PARD3B: variants seen among roughly 807,000 people sequenced by gnomAD.
The protein encoded by PARD3B is par-3 family cell polarity regulator beta.
A neutral mutation model predicts 130.2 loss-of-function variants in PARD3B; 103 were observed. The observed-to-expected ratio is 0.79, with a 90% CI of 0.67 to 0.93. The LOEUF (loss-of-function observed/expected upper bound fraction) is 0.93. Ranked by LOEUF, PARD3B falls within the 40% of genes least tolerant of loss-of-function variation. PARD3B has a pLI of 0.00. For missense variants in PARD3B, 1,609 were observed against 1,499.2 expected, an observed-to-expected ratio of 1.07 and a Z score of -1.21; for synonymous variants, 583 against 553.2, an observed-to-expected ratio of 1.05 and a Z score of -0.76.
intron 15 of PARD3B, among the ~76,000 whole-genome samples, chr2:205,215,203 G>A (rs960459839): frequency 6.6e-6 from 1 of 151,770 alleles, no homozygotes; most frequent in African/African-American, 2.4e-5. Flanking sequence ...GTTTAAGTTG[G>A]AGAAGATATT....
intron 5 of PARD3B, among the ~76,000 whole-genome samples, chr2:205,112,567 T>C (rs1182845150): frequency 2.0e-5 from 3 of 152,152 alleles, no homozygotes; most frequent in African/African-American, 7.2e-5. Flanking sequence ...CGGCTTACAA[T>C]TTCCATAACG....
rs1317022462 is a variant in PARD3B at position 204,545,836 on chromosome 2, G to A, written c.-164G>A. 5.5e-6 allele frequency: 4 copies of A among 721,302 alleles called. No individual in the cohort carries two copies. The highest frequency in any genetic ancestry group is 8.1e-6 in the Non-Finnish European group (4 of 491,704). 44.7% of individuals were successfully genotyped at this position (721,302 alleles called of 1,614,324 possible). On this transcript the variant is annotated 5_prime_UTR_variant, in exon 1 of 23. In the 5' UTR this introduces an upstream ATG that the reference lacks. Transcript: ENST00000406610. ...TTCCCGCCACCTGCCGCCTGGCCAG[G>A]TGGAAGGGGCGCTGCCGCGAGCCTC...
intron 20 of PARD3B, among the ~76,000 whole-genome samples, chr2:205,468,894 TGAG>T (rs2048726837): frequency 6.6e-6 from 1 of 152,174 alleles, no homozygotes; most frequent in African/African-American, 2.4e-5. Flanking sequence ...CCCAATTTTC[TGAG>T]GAGACCAACC....
intron 21 of PARD3B, among the ~76,000 whole-genome samples, chr2:205,541,545 T>G (rs1481126423): frequency 1.3e-5 from 2 of 152,032 alleles, no homozygotes; most frequent in Admixed American, 1.3e-4. Flanking sequence ...GACGGGGTTT[T>G]GCCATGTTGG....
chr2:204,550,405 G>A (rs75038441), intron 1 of PARD3B, among the ~76,000 whole-genome samples: 2,377 of 123,878 alleles, frequency 0.019, 66 homozygotes, highest in African/African-American at 0.063. Flanking sequence ...TGGATGCGGA[G>A]GGCTGACTGT....
chr2:204,831,779 A>T (rs1369254995), intron 2 of PARD3B, among the ~76,000 whole-genome samples: 2 of 152,176 alleles, frequency 1.3e-5, no homozygotes, highest in African/African-American at 4.8e-5. Flanking sequence ...ATTGCAAACA[A>T]CAGGAATGTA....
intron 2 of PARD3B, among the ~76,000 whole-genome samples, chr2:204,921,117 T>A (rs2047660889): frequency 6.6e-6 from 1 of 152,200 alleles, no homozygotes; most frequent in African/African-American, 2.4e-5. Flanking sequence ...TTTGATGAAT[T>A]TTATTTCATT....
At chr2:205,053,451 A>G (rs1699373796) in intron 4 of PARD3B, among the ~76,000 whole-genome samples, 1 of 151,976 alleles carries the variant, frequency 6.6e-6, no homozygotes, top group Admixed American at 6.6e-5. Context: ...CAGCTGGCCA[A>G]CATGGTGAGA....
chr2:204,750,456 C>G (rs769229847), intron 2 of PARD3B, among the ~76,000 whole-genome samples: 1 of 152,130 alleles, frequency 6.6e-6, no homozygotes, highest in Non-Finnish European at 1.5e-5. Flanking sequence ...TTTGGCAACT[C>G]ATGCCTGTAG....
At chr2:204,556,543 A>G (rs934829076) in intron 1 of PARD3B, among the ~76,000 whole-genome samples, 3 of 152,202 alleles carry the variant, frequency 2.0e-5, no homozygotes, top group African/African-American at 7.2e-5. Flanking sequence ...ATTTTCCACG[A>G]GAAAAGTGAG....
At chr2:205,498,016 A>AACACACACACAC (rs57531393) in intron 20 of PARD3B, among the ~76,000 whole-genome samples, 7,614 of 141,956 alleles carry the variant, frequency 0.054, 361 homozygotes, top group Admixed American at 0.15. Context: ...GTCTCTACTA[A>AACACACACACAC]ACACACACAC....
chr2:205,470,475 C>T lies in PARD3B; in HGVS notation c.3045-29421C>T, dbSNP rs2048787540. ...CCCCTGCAGGAGTATTTAAGCTTAA[C>T]CCCAGATTTCAGGAGTTAGAGCATT... On this transcript the variant is annotated intron_variant, in intron 20 of 22. Coordinates refer to ENST00000406610, the MANE Select transcript of PARD3B (RefSeq NM_001302769.2). The surrounding 1 kb of genome is among the most constrained non-coding windows in gnomAD (Gnocchi z 4.8). Among the ~76,000 whole-genome samples, 1 of 152,138 alleles carries T rather than the reference C, an allele frequency of 6.6e-6. No individual in the cohort carries two copies. Among genetic ancestry groups the T allele is most frequent in the African/African-American group, 2.4e-5 (1 of 41,438 alleles).
chr2:205,290,401 A>G (rs2041563933), intron 16 of PARD3B, among the ~76,000 whole-genome samples: 1 of 152,184 alleles, frequency 6.6e-6, no homozygotes, highest in African/African-American at 2.4e-5. Context: ...CAGACCAGGA[A>G]AGCCTCATAT....
rs76520696 is a variant in PARD3B at position 205,182,299 on chromosome 2, GA to G, written c.1925-3453del. Among the ~76,000 whole-genome samples, 703 of 123,140 alleles carry G rather than the reference GA, an allele frequency of 5.7e-3. 4 individuals carry two copies. The highest frequency in any genetic ancestry group is 0.016 in the African/African-American group (550 of 33,516). 80.8% of individuals were successfully genotyped at this position (123,140 alleles called of 152,430 possible). A position where few individuals can be genotyped will look rare whatever the true frequency, so the allele number is the denominator to read the frequency against. On this transcript the variant is annotated intron_variant, in intron 13 of 22. Coordinates refer to ENST00000406610, the MANE Select transcript of PARD3B (RefSeq NM_001302769.2). Reference sequence around the variant, plus strand: ...AGAGTGAGACTCTGTCTCAAAAAAAGAAAAAAAAAAAAGTAACAAGGATAGA... The same window carrying G: ...AGAGTGAGACTCTGTCTCAAAAAAAGAAAAAAAAAAAGTAACAAGGATAGA...
intron 1 of PARD3B, among the ~76,000 whole-genome samples, chr2:204,578,849 A>C (rs2032401468): frequency 6.6e-6 from 1 of 152,054 alleles, no homozygotes; most frequent in Non-Finnish European, 1.5e-5. Context: ...TCCGTGAGAG[A>C]GGTCATAATC....
chr2:205,531,327 T>C (rs2051583024), intron 21 of PARD3B, among the ~76,000 whole-genome samples: 1 of 151,980 alleles, frequency 6.6e-6, no homozygotes, highest in Admixed American at 6.6e-5. Context: ...CAGGAAATGA[T>C]CTTATTGAGC....
At position 205,148,696 on chromosome 2, in the gene PARD3B, G is replaced by A. The variant is rs534904494; in HGVS notation, c.1435-10026G>A. Among the ~76,000 whole-genome samples, 6 of 152,030 alleles carry A rather than the reference G, an allele frequency of 3.9e-5. No homozygotes were observed. In the East Asian group the frequency reaches 1.2e-3, roughly 29 times the overall value. On this transcript the variant is annotated intron_variant, in intron 10 of 22. Coordinates refer to ENST00000406610, the MANE Select transcript of PARD3B (RefSeq NM_001302769.2). ...ATATCCTGGCAGAATTGCCAGATAT[G>A]GCTTTTGCTTTATATATTTTAAAAG...
intron 18 of PARD3B, 41 bp from the exon 19 acceptor site, chr2:205,400,972 T>C: frequency 7.0e-7 from 1 of 1,438,574 alleles, no homozygotes; most frequent in Non-Finnish European, 9.6e-7. Context: ...GCAAAAACAA[T>C]GTGATTATTG....
intron 2 of PARD3B, among the ~76,000 whole-genome samples, chr2:204,942,069 T>G (rs986574830): frequency 7.9e-5 from 12 of 152,318 alleles, no homozygotes; most frequent in Admixed American, 3.9e-4. Context: ...GAGTAGCTAA[T>G]CAGTAATTAC....
Sources: allele counts gnomAD v4.1 joint callset (sites outside exome capture counted in the v4.1 genomes callset), GRCh38; gene constraint gnomAD v4.1.1; non-coding constraint Gnocchi (gnomAD v3.1); transcripts MANE v1.5; gene names NCBI Gene and HGNC (gene_info 2026-07-23, HGNC 2026-07-21).